SV2C: variants seen among roughly 807,000 people sequenced by gnomAD.
SV2C encodes the protein synaptic vesicle glycoprotein 2C.
In SV2C, 49 loss-of-function variants were observed where a neutral mutation model predicts 79.7. The observed-to-expected ratio is 0.61, with a 90% CI of 0.49 to 0.78. SV2C has a LOEUF of 0.78. SV2C is among the 30% of genes least tolerant of loss of function. The pLI is 0.00. For synonymous variants in SV2C, 334 were observed against 333.2 expected, an observed-to-expected ratio of 1.00 and a Z score of -0.03; for missense variants, 833 against 912.9, an observed-to-expected ratio of 0.91 and a Z score of 1.13.
chr5:75,869,584 C>A, the SV2C span, among the ~76,000 whole-genome samples: 10 of 152,168 alleles, frequency 6.6e-5, no homozygotes, highest in Non-Finnish European at 1.5e-4. Context: ...GGAGGACTCA[C>A]CACCCTGAAG....
At chr5:76,201,616 C>T (rs2112339891) in intron 3 of SV2C, among the ~76,000 whole-genome samples, 1 of 152,282 alleles carries the variant, frequency 6.6e-6, no homozygotes, top group South Asian at 2.1e-4. Context: ...GAAATCATCA[C>T]CATTAACTGG....
chr5:75,999,315 TACAC>T, the SV2C span, among the ~76,000 whole-genome samples: 165 of 124,792 alleles, frequency 1.3e-3, no homozygotes, highest in African/African-American at 2.3e-3. Context: ...ACAGTATAGA[TACAC>T]ACACATATAT....
chr5:76,318,803 C>A (rs556152369), intron 12 of SV2C, among the ~76,000 whole-genome samples: 49 of 152,304 alleles, frequency 3.2e-4, no homozygotes, highest in African/African-American at 1.2e-3. Flanking sequence ...TCATTTCATT[C>A]TTTCCCTTCA....
At chr5:76,339,796 T>A (rs73117721) in intron 12 of SV2C, among the ~76,000 whole-genome samples, 9,794 of 152,136 alleles carry the variant, frequency 0.064, 978 homozygotes, top group African/African-American at 0.21. Context: ...ACAGGCCACA[T>A]TCAGTTTTGT....
intron 1 of SV2C, among the ~76,000 whole-genome samples, chr5:76,112,050 C>T (rs1427099987): frequency 6.6e-6 from 1 of 152,166 alleles, no homozygotes; most frequent in African/African-American, 2.4e-5. Context: ...TTTATTCAGT[C>T]ATTTGTTTAA....
the SV2C span, among the ~76,000 whole-genome samples, chr5:76,025,774 G>A: frequency 6.6e-6 from 1 of 152,108 alleles, no homozygotes; most frequent in Non-Finnish European, 1.5e-5. Flanking sequence ...CATTTCTGCT[G>A]TATCACTCTA....
At chr5:76,282,467 GTCATGAGGGCCCTTC>G (rs2112491758) in intron 4 of SV2C, among the ~76,000 whole-genome samples, 1 of 152,332 alleles carries the variant, frequency 6.6e-6, no homozygotes, top group East Asian at 1.9e-4. Flanking sequence ...ATGAGGCCCA[GTCATGAGGGCCCTTC>G]TCGACTAGGC....
chr5:75,870,672 C>T, the SV2C span, among the ~76,000 whole-genome samples: 1 of 152,228 alleles, frequency 6.6e-6, no homozygotes, highest in South Asian at 2.1e-4. Context: ...GGTTAATAAA[C>T]ACTAAGCAGT....
chr5:75,889,947 A>G, the SV2C span, among the ~76,000 whole-genome samples: 2 of 152,140 alleles, frequency 1.3e-5, no homozygotes, highest in African/African-American at 4.8e-5. Context: ...AGTCTTAAGC[A>G]TCACTAATCC....
At chr5:76,270,865 T>C (rs1405900606) in intron 4 of SV2C, among the ~76,000 whole-genome samples, 1 of 151,796 alleles carries the variant, frequency 6.6e-6, no homozygotes, top group Admixed American at 6.6e-5. Flanking sequence ...GCCTCCCGGG[T>C]TAAAACACTT....
chr5:75,949,430 T>A, the SV2C span, among the ~76,000 whole-genome samples: 1 of 151,934 alleles, frequency 6.6e-6, no homozygotes, highest in Non-Finnish European at 1.5e-5. Flanking sequence ...GAGAAGCCAG[T>A]TGGAGACTGG....
chr5:75,911,087 C>T, the SV2C span: 314 of 1,398,930 alleles, frequency 2.2e-4, no homozygotes, highest in East Asian at 1.5e-3. Context: ...TGATGCAGCC[C>T]GGGGGAAGAT....
At chr5:75,905,535 T>C in the SV2C span, among the ~76,000 whole-genome samples, 1 of 152,148 alleles carries the variant, frequency 6.6e-6, no homozygotes, top group Non-Finnish European at 1.5e-5. Context: ...TAAAACAAGG[T>C]AGTAAGCTTT....
the SV2C span, among the ~76,000 whole-genome samples, chr5:76,069,211 T>G: frequency 6.6e-6 from 1 of 152,314 alleles, no homozygotes; most frequent in South Asian, 2.1e-4. Context: ...ATTCTCTATA[T>G]CAACACCATA....
chr5:75,993,908 T>C, the SV2C span, among the ~76,000 whole-genome samples: 1,479 of 152,174 alleles, frequency 9.7e-3, 30 homozygotes, highest in African/African-American at 0.034. Flanking sequence ...GAAATTGATG[T>C]GCTGATTTAG....
the SV2C span, among the ~76,000 whole-genome samples, chr5:75,855,789 T>C: frequency 5.3e-5 from 8 of 152,346 alleles, no homozygotes; most frequent in Non-Finnish European, 8.8e-5. Context: ...ATTTATCCTT[T>C]GAATTACAAA....
the SV2C span, chr5:75,921,367 G>C: frequency 2.2e-6 from 2 of 917,506 alleles, no homozygotes; most frequent in Non-Finnish European, 3.6e-6. Flanking sequence ...CCTTTGGGGG[G>C]TGCTGGTAGG....
intron 12 of SV2C, among the ~76,000 whole-genome samples, chr5:76,351,276 T>C (rs1045077611): frequency 6.6e-6 from 1 of 152,006 alleles, no homozygotes; most frequent in East Asian, 1.9e-4. Flanking sequence ...TGAGACCTTG[T>C]CTCTACAAAA....
intron 2 of SV2C, among the ~76,000 whole-genome samples, chr5:76,174,477 C>T (rs1375533605): frequency 1.3e-5 from 2 of 152,210 alleles, no homozygotes; most frequent in African/African-American, 2.4e-5. Context: ...ATGTGTGTCT[C>T]TGATGGAACA....
Sources: allele counts gnomAD v4.1 joint callset (sites outside exome capture counted in the v4.1 genomes callset), GRCh38; gene constraint gnomAD v4.1.1; transcripts MANE v1.5; gene names NCBI Gene and HGNC (gene_info 2026-07-23, HGNC 2026-07-21).